Variants in OCM observed in about 807,000 individuals in gnomAD.
OCM encodes oncomodulin-1.
A neutral mutation model predicts 14.1 loss-of-function variants in OCM; 18 were observed. That is an observed-to-expected ratio of 1.28 (90% CI 0.88 to 1.89). The LOEUF is 1.89. OCM is among the 40% of genes most tolerant of loss of function. OCM has a pLI of 0.00. For missense variants in OCM, 140 were observed against 137.6 expected (o/e 1.02, Z -0.09); for synonymous variants, 48 against 51.0 (o/e 0.94, Z 0.25).
At chr7:5,874,079 C>A in the OCM span, among the ~76,000 whole-genome samples, 22 of 149,934 alleles carry the variant, frequency 1.5e-4, no homozygotes, top group East Asian at 3.9e-3. Context: ...AAAAAATTAG[C>A]CAGTCATGGT....
chr7:5,883,801 A>C (rs932133539), intron 2 of OCM, 89 bp from the exon 3 acceptor site: 1 of 1,492,382 alleles, frequency 6.7e-7, no homozygotes, highest in African/African-American at 1.4e-5. Flanking sequence ...TGCTGGAAAC[A>C]GGTGATATGC....
upstream of OCM, among the ~76,000 whole-genome samples, chr7:5,877,805 G>A (rs1160861375): frequency 3.0e-5 from 3 of 101,474 alleles, no homozygotes; most frequent in African/African-American, 4.0e-5. Flanking sequence ...GGGTGACAGA[G>A]CAAGACTCCA....
In OCM at chr7:5,883,989, T is replaced by G. The variant is rs764261674; in HGVS notation, c.294T>G (p.Ile98Met). The change falls in exon 3 of 4, where the codon ATT becomes ATG. Residue 98 changes from isoleucine to methionine, a missense_variant. By Grantham distance (10) the Ile-to-Met change is conservative. Transcript: ENST00000242104. Reference protein sequence around the residue: ...AAADNDGDGKIGAEEFQEMVH... With the variant: ...AAADNDGDGKMGAEEFQEMVH... ...CGGATAATGATGGAGATGGGAAAAT[T>G]GGAGCAGAGGGTATGTCCACACGTG... The G allele has an allele frequency of 1.6e-5, 26 of 1,612,522 alleles. No individual in the cohort carries two copies. The highest frequency in any genetic ancestry group is 2.7e-5 in the African/African-American group (2 of 74,822).
chr7:5,875,353 G>C (rs373186717), upstream of OCM, among the ~76,000 whole-genome samples: 1 of 151,902 alleles, frequency 6.6e-6, no homozygotes. Context: ...CACGGCGCCC[G>C]GCCTGAATCA....
the OCM span, among the ~76,000 whole-genome samples, chr7:5,874,137 T>C: frequency 6.6e-5 from 9 of 137,382 alleles, no homozygotes; most frequent in African/African-American, 2.2e-4. Context: ...GGCAGAAGAA[T>C]CTCGTGAACC....
At chr7:5,875,063 T>C (rs1442013663), upstream of OCM, among the ~76,000 whole-genome samples, 2 of 150,596 alleles carry the variant, frequency 1.3e-5, no homozygotes, top group African/African-American at 4.9e-5. Context: ...TATGTATTTT[T>C]TTTTTTTTTG....
chr7:5,868,417 G>C, the OCM span, among the ~76,000 whole-genome samples: 1 of 152,024 alleles, frequency 6.6e-6, no homozygotes, highest in Non-Finnish European at 1.5e-5. Flanking sequence ...AAAGTGCTGG[G>C]ATTACAGGTG....
the OCM span, among the ~76,000 whole-genome samples, chr7:5,873,115 C>G: frequency 6.6e-6 from 1 of 152,124 alleles, no homozygotes; most frequent in Non-Finnish European, 1.5e-5. Context: ...TGGCTCATAC[C>G]TGTAATCCCA....
chr7:5,882,114 A>ATC (rs1781229813), intron 1 of OCM, among the ~76,000 whole-genome samples: 1 of 119,212 alleles, frequency 8.4e-6, no homozygotes, highest in Non-Finnish European at 1.8e-5. Flanking sequence ...AAAAAAAAAA[A>ATC]AAAAAGCGCC....
chr7:5,870,312 A>G, the OCM span, among the ~76,000 whole-genome samples: 794 of 152,076 alleles, frequency 5.2e-3, 2 homozygotes, highest in Non-Finnish European at 8.2e-3. Context: ...GAGTCCCACT[A>G]TGTTGCCCAA....
the OCM span, among the ~76,000 whole-genome samples, chr7:5,871,172 G>GC: frequency 8.2e-3 from 1,207 of 147,762 alleles, 49 homozygotes; most frequent in East Asian, 0.12. Context: ...CATAGTGAGA[G>GC]CCCCCCCCCC....
the OCM span, among the ~76,000 whole-genome samples, chr7:5,860,807 T>TATAC: frequency 6.8e-6 from 1 of 146,140 alleles, no homozygotes; most frequent in African/African-American, 2.5e-5. Flanking sequence ...TATACACACA[T>TATAC]ACACACATAC....
At chr7:5,883,514 T>C (rs1424777477) in intron 2 of OCM, among the ~76,000 whole-genome samples, 5 of 151,712 alleles carry the variant, frequency 3.3e-5, no homozygotes, top group African/African-American at 1.2e-4. Flanking sequence ...CAAAACCTTG[T>C]CTCTACAAAA....
the OCM span, among the ~76,000 whole-genome samples, chr7:5,865,161 C>A: frequency 1.3e-5 from 2 of 151,892 alleles, no homozygotes; most frequent in Non-Finnish European, 2.9e-5. Context: ...TCAGGTGTTT[C>A]CTGGCCAGCG....
the OCM span, among the ~76,000 whole-genome samples, chr7:5,864,421 C>T: frequency 2.6e-5 from 4 of 151,794 alleles, no homozygotes; most frequent in East Asian, 7.7e-4. Context: ...AAGGGGTTTG[C>T]TGCCCTCTGT....
At chr7:5,865,811 A>G in the OCM span, among the ~76,000 whole-genome samples, 2 of 152,172 alleles carry the variant, frequency 1.3e-5, no homozygotes, top group Non-Finnish European at 2.9e-5. Flanking sequence ...CTGTGCATTT[A>G]ATACATAGGT....
chr7:5,871,149 C>A, the OCM span, among the ~76,000 whole-genome samples: 1 of 150,186 alleles, frequency 6.7e-6, no homozygotes, highest in Admixed American at 6.8e-5. Context: ...GCATTTGAGA[C>A]CAGCCTGGGC....
chr7:5,864,087 C>G, the OCM span, among the ~76,000 whole-genome samples: 1 of 152,000 alleles, frequency 6.6e-6, no homozygotes, highest in Non-Finnish European at 1.5e-5. Context: ...CACCTGAAAT[C>G]CCGGCACTTT....
At chr7:5,874,558 G>A in the OCM span, among the ~76,000 whole-genome samples, 6 of 151,898 alleles carry the variant, frequency 4.0e-5, no homozygotes, top group South Asian at 1.0e-3. Context: ...AGGCTGGAGT[G>A]CAGTGGTGTG....
Sources: gnomAD v4.1 joint callset for allele counts (sites outside exome capture counted in the v4.1 genomes callset) on GRCh38, gnomAD v4.1.1 for gene constraint, MANE v1.5 for transcripts, NCBI Gene and HGNC (gene_info 2026-07-23, HGNC 2026-07-21) for gene names.